ADARB2: variants seen among roughly 807,000 people sequenced by gnomAD.
The protein encoded by ADARB2 is inactive double-stranded RNA-specific editase B2.
Under a neutral mutation model 62.2 loss-of-function variants are expected in ADARB2, and 25 were observed. The observed-to-expected ratio is 0.40, with a 90% CI of 0.29 to 0.56. The LOEUF (loss-of-function observed/expected upper bound fraction) is 0.56. Ranked by LOEUF, ADARB2 falls within the 20% of genes least tolerant of loss-of-function variation. The probability of loss-of-function intolerance (pLI) is 0.43; values close to 1 mark genes in which losing one functional copy is unlikely to be tolerated. For missense variants in ADARB2, 1,071 were observed against 1,077.4 expected (o/e 0.99, Z 0.08); for synonymous variants, 572 against 500.8 (o/e 1.14, Z -1.90).
At position 1,271,163 on chromosome 10, in the gene ADARB2, C is replaced by G. The variant is rs3750675; in HGVS notation, c.1078-94G>C. The G allele has an allele frequency of 1.3e-4, 130 of 1,003,580 alleles. No homozygotes were observed. The East Asian group carries it at 2.7e-3, about 21-fold the overall frequency. The allele number at this position is 1,003,580 out of a possible 1,614,324, so 62.2% of individuals were successfully genotyped here. ...CCTCCCCGTCCTCACAGCCTCATCC[C>G]CATGTGGCCACACATGGGCCTGCTC... On this transcript the variant is annotated intron_variant, in intron 3 of 9. Coordinates refer to ENST00000381312, the MANE Select transcript of ADARB2 (RefSeq NM_018702.4).
intron 3 of ADARB2, among the ~76,000 whole-genome samples, chr10:1,311,498 GTTGT>G (rs1381105273): frequency 2.6e-5 from 4 of 152,096 alleles, no homozygotes; most frequent in Admixed American, 6.5e-5. Context: ...ACCTGACGTT[GTTGT>G]TTAATATCTG....
intron 4 of ADARB2, among the ~76,000 whole-genome samples, chr10:1,264,631 A>C (rs1831176729): frequency 6.6e-6 from 1 of 152,246 alleles, no homozygotes; most frequent in African/African-American, 2.4e-5. Context: ...AAAGCCAAGC[A>C]TATGCAGCAA....
intron 1 of ADARB2, among the ~76,000 whole-genome samples, chr10:1,411,105 G>A (rs775684612): frequency 6.6e-6 from 1 of 152,224 alleles, no homozygotes; most frequent in Non-Finnish European, 1.5e-5. Context: ...TGGGACCAGG[G>A]CACGGCCATC....
chr10:1,511,010 G>A (rs1200288628), intron 1 of ADARB2, among the ~76,000 whole-genome samples: 1 of 152,144 alleles, frequency 6.6e-6, no homozygotes, highest in Non-Finnish European at 1.5e-5. Flanking sequence ...ATGCTACCAT[G>A]TCCGGCTAAT....
chr10:1,262,764 A>C (rs1831154416), intron 4 of ADARB2, among the ~76,000 whole-genome samples: 1 of 152,214 alleles, frequency 6.6e-6, no homozygotes, highest in South Asian at 2.1e-4. Flanking sequence ...CATTTGACCC[A>C]GTCATCCCAT....
intron 1 of ADARB2, among the ~76,000 whole-genome samples, chr10:1,611,047 T>C (rs1173972935): frequency 6.6e-6 from 1 of 152,224 alleles, no homozygotes; most frequent in Admixed American, 6.5e-5. Context: ...TACAAGCCTT[T>C]ACTTTCCAGT....
chr10:1,709,823 A>C (rs1834929823), intron 1 of ADARB2, among the ~76,000 whole-genome samples: 2 of 152,186 alleles, frequency 1.3e-5, no homozygotes, highest in African/African-American at 4.8e-5. Context: ...TTAGCAGCTC[A>C]GCTGTGTTAT....
chr10:1,713,297 C>G (rs917120713), intron 1 of ADARB2, among the ~76,000 whole-genome samples: 6 of 152,320 alleles, frequency 3.9e-5, no homozygotes, highest in Admixed American at 6.5e-5. Flanking sequence ...ATGAAATTCT[C>G]TCTTCCCCGG....
At chr10:1,548,824 G>T (rs1832566307) in intron 1 of ADARB2, among the ~76,000 whole-genome samples, 1 of 152,210 alleles carries the variant, frequency 6.6e-6, no homozygotes, top group African/African-American at 2.4e-5. Context: ...GGCGAGTTAG[G>T]AACCTGGGAA....
chr10:1,257,246 A>T (rs1831088168), intron 4 of ADARB2, among the ~76,000 whole-genome samples: 2 of 152,134 alleles, frequency 1.3e-5, no homozygotes, highest in Non-Finnish European at 2.9e-5. Context: ...ACCCAACCAC[A>T]CAGGGAGGCA....
In ADARB2 at chr10:1,678,656, G is replaced by A. The variant is rs562426377; in HGVS notation, c.100+58395C>T. On this transcript the variant is annotated intron_variant, in intron 1 of 9. Coordinates refer to ENST00000381312, the MANE Select transcript of ADARB2 (RefSeq NM_018702.4). ...GGTCTGGTATGGTTAGCAAGCTGCC[G>A]TAGTTCACAGCCAGGGGCCCAGTTC... 5.3e-5 allele frequency among the ~76,000 whole-genome samples: 8 copies of A among 152,180 alleles called. No homozygotes were observed. The South Asian group carries it at 1.7e-3, about 32-fold the overall frequency.
chr10:1,574,978 A>T (rs1832990446), intron 1 of ADARB2, among the ~76,000 whole-genome samples: 1 of 26,746 alleles, frequency 3.7e-5, no homozygotes, highest in Non-Finnish European at 9.1e-5. Flanking sequence ...TTGACAGAAA[A>T]ACAGAAGTCA....
chr10:1,623,394 T>C (rs1833730569), intron 1 of ADARB2, among the ~76,000 whole-genome samples: 1 of 152,240 alleles, frequency 6.6e-6, no homozygotes, highest in Non-Finnish European at 1.5e-5. Flanking sequence ...AACTGCAAAC[T>C]ACAGTAGTTT....
At chr10:1,441,267 T>C (rs2805558) in intron 1 of ADARB2, among the ~76,000 whole-genome samples, 4,988 of 152,318 alleles carry the variant, frequency 0.033, 270 homozygotes, top group African/African-American at 0.11. Context: ...CTGCAACTTA[T>C]CTAAAAAAAA....
chr10:1,514,599 G>C (rs1354530978), intron 1 of ADARB2, among the ~76,000 whole-genome samples: 3 of 151,852 alleles, frequency 2.0e-5, no homozygotes, highest in African/African-American at 7.3e-5. Flanking sequence ...AGCGGCCCCT[G>C]GCCTCCTATG....
At chr10:1,371,292 T>G (rs1832369592) in intron 2 of ADARB2, among the ~76,000 whole-genome samples, 1 of 152,118 alleles carries the variant, frequency 6.6e-6, no homozygotes, top group South Asian at 2.1e-4. Context: ...AAAAATTAAT[T>G]CGACGATGGA....
At position 1,303,681 on chromosome 10, in the gene ADARB2, C is replaced by A. The variant is rs890445490; in HGVS notation, c.1078-32612G>T. Among the ~76,000 whole-genome samples the A allele has an allele frequency of 2.0e-5, 3 of 152,224 alleles. No individual in the cohort carries two copies. In the South Asian group the frequency reaches 6.2e-4, roughly 32 times the overall value. On this transcript the variant is annotated intron_variant, in intron 3 of 9. Transcript: ENST00000381312. ...CCCATCAGACTAACAGCTGATCTCT[C>A]GGCAGAAACCCTACAAGCCAGAAGA...
intron 1 of ADARB2, among the ~76,000 whole-genome samples, chr10:1,608,925 G>T (rs1355434526): frequency 6.6e-6 from 1 of 152,122 alleles, no homozygotes; most frequent in African/African-American, 2.4e-5. Flanking sequence ...GTGCCGGATG[G>T]CCATGCCCTA....
chr10:1,626,757 C>T (rs78363287), intron 1 of ADARB2, among the ~76,000 whole-genome samples: 14,448 of 152,296 alleles, frequency 0.095, 831 homozygotes, highest in Non-Finnish European at 0.13. Context: ...CAGCCACGCA[C>T]AAAGCAACCC....
Sources: allele counts gnomAD v4.1 joint callset (sites outside exome capture counted in the v4.1 genomes callset), GRCh38; gene constraint gnomAD v4.1.1; transcripts MANE v1.5; gene names NCBI Gene and HGNC (gene_info 2026-07-23, HGNC 2026-07-21).